WDFY4: variants seen among roughly 807,000 people sequenced by gnomAD.
WDFY4 encodes the protein WDFY family member 4.
A neutral mutation model predicts 351.9 loss-of-function variants in WDFY4; 169 were observed. That is an observed-to-expected ratio of 0.48 (90% CI 0.42 to 0.55). The LOEUF (loss-of-function observed/expected upper bound fraction) is 0.55. Ranked by LOEUF, WDFY4 falls within the 20% of genes least tolerant of loss-of-function variation. WDFY4 has a pLI of 0.00. For missense variants in WDFY4, 3,803 were observed against 3,935.6 expected (o/e 0.97, Z 0.90); for synonymous variants, 1,622 against 1,574.6 (o/e 1.03, Z -0.71).
chr10:48,754,753 C>T (rs190614828), intron 12 of WDFY4, among the ~76,000 whole-genome samples: 23 of 152,098 alleles, frequency 1.5e-4, no homozygotes, highest in Admixed American at 1.2e-3. Context: ...AATAAAAGGT[C>T]AATAAGTATT....
At chr10:48,912,102 C>T (rs78253397) in intron 47 of WDFY4, among the ~76,000 whole-genome samples, 3,625 of 152,266 alleles carry the variant, frequency 0.024, 152 homozygotes, top group African/African-American at 0.081. Context: ...TTTCTTTTAC[C>T]CACATGAAGG....
At chr10:48,784,508 C>T (rs933396727) in intron 19 of WDFY4, among the ~76,000 whole-genome samples, 1 of 103,572 alleles carries the variant, frequency 9.7e-6, no homozygotes, top group Non-Finnish European at 2.0e-5. Context: ...ATTTTTTGCC[C>T]ATTTTCTAAT....
chr10:48,821,076 C>T lies in WDFY4; in HGVS notation c.5724C>T (p.His1908=), dbSNP rs79406124. ...TGTGCTTCCAGGCTTCTCCAGACCA[C>T]GCCACCAGCCAACAGAAGCGAGACT... The part of the protein sequence containing the change: ...LEVLLEASPD[H]ATSQQKRDFQ... The change falls in exon 34 of 62, where the codon CAC becomes CAT. Residue 1908 remains histidine (H), a synonymous_variant. Coordinates refer to ENST00000325239, the MANE Select transcript of WDFY4 (RefSeq NM_001394531.1). 0.018 allele frequency: 27,529 copies of T among 1,551,408 alleles called. 323 individuals carry two copies. Among genetic ancestry groups the T allele is most frequent in the Non-Finnish European group, 0.022 (25,301 of 1,146,738 alleles).
chr10:48,922,952 C>G (rs1022528773), intron 47 of WDFY4, among the ~76,000 whole-genome samples: 1 of 152,158 alleles, frequency 6.6e-6, no homozygotes, highest in African/African-American at 2.4e-5. Flanking sequence ...TGCCTGCACC[C>G]TGACAGTGAT....
intron 26 of WDFY4, 36 bp from the exon 27 acceptor site, chr10:48,805,968 G>C (rs374486130): frequency 5.8e-6 from 9 of 1,544,378 alleles, no homozygotes; most frequent in Non-Finnish European, 7.9e-6. Flanking sequence ...AGTTGAGCCC[G>C]CCTGCGAGCC....
Position 48,743,027 on chromosome 10 carries a change from G to T in WDFY4, c.1938G>T (p.Gly646=), listed in dbSNP as rs759442867. 3.9e-6 allele frequency: 6 copies of T among 1,551,522 alleles called. No individual in the cohort carries two copies. In the South Asian group the frequency reaches 4.8e-5, roughly 12 times the overall value. The change falls in exon 12 of 62, where the codon GGG becomes GGT. Residue 646 remains glycine, a synonymous_variant. Transcript: ENST00000325239. Reference sequence around the variant, plus strand: ...GTGCTGCCTTCAGAGTCTCCAGCGGGTTCAACGGGCTGCTGTCTCTGCTCT... The same window carrying T: ...GTGCTGCCTTCAGAGTCTCCAGCGGTTTCAACGGGCTGCTGTCTCTGCTCT... ...KGRAAFRVSS[G]FNGLLSLLSD... is the part of the protein sequence containing the mutation.
Position 48,867,254 on chromosome 10 carries a change from C to A in WDFY4, c.6664-11C>A. 7.3e-7 allele frequency: 1 copy of A among 1,360,916 alleles called. No homozygotes were observed. The highest frequency in any genetic ancestry group is 2.1e-5 in the South Asian group (1 of 47,384). The allele number at this position is 1,360,916 out of a possible 1,614,324, so 84.3% of individuals were successfully genotyped here. A position where few individuals can be genotyped will look rare whatever the true frequency, so the allele number is the denominator to read the frequency against. On this transcript the variant is annotated splice_polypyrimidine_tract_variant and intron_variant, in intron 39 of 61. Transcript: ENST00000325239. ...ATCATTAAGCTGTGACTTGTTTTCT[C>A]CTTTCTCCAGGATTTTGTGTCATGT... is the stretch of plus-strand genomic sequence containing the variant.
At chr10:48,778,403 G>C (rs1013784797) in intron 17 of WDFY4, among the ~76,000 whole-genome samples, 1 of 152,268 alleles carries the variant, frequency 6.6e-6, no homozygotes, top group Non-Finnish European at 1.5e-5. Context: ...CTGACCAGGA[G>C]CCCACGTGTG....
At chr10:48,786,988 G>T in intron 20 of WDFY4, 118 bp downstream of exon 20, 1 of 799,718 alleles carries the variant, frequency 1.3e-6, no homozygotes. Context: ...CATTAGGGAA[G>T]ACCTCTGTAA....
At chr10:48,816,820 A>G (rs1041391357) in intron 31 of WDFY4, among the ~76,000 whole-genome samples, 2 of 152,262 alleles carry the variant, frequency 1.3e-5, no homozygotes, top group Non-Finnish European at 2.9e-5. Flanking sequence ...GGTGAAAAAC[A>G]AGACTCAGAC....
At chr10:48,707,336 C>T (rs371580150) in intron 1 of WDFY4, among the ~76,000 whole-genome samples, 2 of 152,100 alleles carry the variant, frequency 1.3e-5, no homozygotes, top group African/African-American at 4.8e-5. Flanking sequence ...GCCTGATGCC[C>T]GCTTTCTGGA....
Position 48,807,273 on chromosome 10 carries a change from C to T in WDFY4, c.4739-586C>T, listed in dbSNP as rs568243327. Among the ~76,000 whole-genome samples the T allele has an allele frequency of 1.3e-3, 198 of 152,338 alleles. 1 individual carries two copies. Among genetic ancestry groups the T allele is most frequent in the African/African-American group, 4.6e-3 (191 of 41,572 alleles). Reference sequence around the variant, plus strand: ...TAGTCAACCTTCCTTCTCATATGAACTGCATTCTGAAACTTTTACCTAACC... The same window carrying T: ...TAGTCAACCTTCCTTCTCATATGAATTGCATTCTGAAACTTTTACCTAACC... On this transcript the variant is annotated intron_variant, in intron 27 of 61. Transcript: ENST00000325239.
chr10:48,857,789 T>G lies in WDFY4; in HGVS notation c.6664-9476T>G, dbSNP rs1281505787. Reference sequence around the variant, plus strand: ...CTGATGATATTTTTTGTTTTTTACTTGTTGATTTTTTTTTCTTTTTTTGAT... The same window carrying G: ...CTGATGATATTTTTTGTTTTTTACTGGTTGATTTTTTTTTCTTTTTTTGAT... On this transcript the variant is annotated intron_variant, in intron 39 of 61. Coordinates refer to ENST00000325239, the MANE Select transcript of WDFY4 (RefSeq NM_001394531.1). Among the ~76,000 whole-genome samples, 4 of 152,116 alleles carry G rather than the reference T, an allele frequency of 2.6e-5. 1 individual carries two copies. Among genetic ancestry groups the G allele is most frequent in the Non-Finnish European group, 5.9e-5 (4 of 68,020 alleles).
intron 1 of WDFY4, among the ~76,000 whole-genome samples, chr10:48,685,983 G>C (rs2136279931): frequency 6.6e-6 from 1 of 152,058 alleles, no homozygotes; most frequent in Non-Finnish European, 1.5e-5. Context: ...AGTCCTGTGG[G>C]TTTCTGAGAA....
At chr10:48,794,940 A>G (rs993834400) in intron 23 of WDFY4, among the ~76,000 whole-genome samples, 1 of 152,206 alleles carries the variant, frequency 6.6e-6, no homozygotes, top group Non-Finnish European at 1.5e-5. Context: ...AAGTTTGCCT[A>G]TGAGCAGGAG....
intron 19 of WDFY4, among the ~76,000 whole-genome samples, chr10:48,783,973 T>C (rs1276303928): frequency 1.3e-5 from 2 of 152,256 alleles, no homozygotes; most frequent in African/African-American, 4.8e-5. Context: ...CACAGCAATA[T>C]ATGGAAGTAT....
chr10:48,722,958 A>G (rs1026631604), intron 4 of WDFY4, among the ~76,000 whole-genome samples: 5 of 152,122 alleles, frequency 3.3e-5, no homozygotes, highest in Non-Finnish European at 7.4e-5. Flanking sequence ...TGGGATCTAG[A>G]TGAGAGGTTG....
chr10:48,838,760 C>A (rs149100416), intron 39 of WDFY4, among the ~76,000 whole-genome samples: 100 of 152,350 alleles, frequency 6.6e-4, no homozygotes, highest in African/African-American at 2.4e-3. Flanking sequence ...CGTATTATTT[C>A]ATGCATTACT....
At chr10:48,949,528 T>C (rs1841216659) in intron 51 of WDFY4, among the ~76,000 whole-genome samples, 2 of 152,286 alleles carry the variant, frequency 1.3e-5, no homozygotes, top group South Asian at 4.1e-4. Context: ...GGCCTGTATC[T>C]TCTCCAGAGA....
Sources: allele counts gnomAD v4.1 joint callset (sites outside exome capture counted in the v4.1 genomes callset), GRCh38; gene constraint gnomAD v4.1.1; transcripts MANE v1.5; gene names NCBI Gene and HGNC (gene_info 2026-07-23, HGNC 2026-07-21).